The following MND1 variants were observed in gnomAD, a reference collection of about 807,000 sequenced individuals.
MND1 encodes the protein meiotic nuclear division protein 1 homolog.
In MND1, 28 loss-of-function variants were observed where a neutral mutation model predicts 35.1. That is an observed-to-expected ratio of 0.80 (90% CI 0.59 to 1.09). MND1 has a LOEUF of 1.09. MND1 is among the 50% of genes least tolerant of loss of function. The pLI, the probability that MND1 is intolerant of heterozygous loss-of-function variation, is 0.00. For synonymous variants in MND1, 69 were observed against 70.5 expected, an observed-to-expected ratio of 0.98 and a Z score of 0.11; for missense variants, 213 against 239.6, an observed-to-expected ratio of 0.89 and a Z score of 0.73.
intron 6 of MND1, among the ~76,000 whole-genome samples, chr4:153,398,427 G>C (rs1173191711): frequency 6.6e-6 from 1 of 152,188 alleles, no homozygotes; most frequent in Admixed American, 6.5e-5. Context: ...AGCTGGCCTA[G>C]TCCTTGGCAG....
intron 4 of MND1, chr4:153,363,101 T>G (rs762927277): frequency 9.7e-6 from 7 of 720,012 alleles, no homozygotes; most frequent in Non-Finnish European, 1.2e-5. Context: ...TAGCTCTCCT[T>G]GTCTCATGAC....
At chr4:153,387,193 G>A (rs1218079281) in intron 4 of MND1, among the ~76,000 whole-genome samples, 2 of 152,088 alleles carry the variant, frequency 1.3e-5, no homozygotes, top group Non-Finnish European at 2.9e-5. Context: ...GTCATAGATA[G>A]GCTGTCATTG....
rs562192544 is a variant in MND1, at chr4:153,386,582, G to A, written c.277-7680G>A. On this transcript the variant is annotated intron_variant, in intron 4 of 7. Transcript: ENST00000240488. Reference sequence around the variant, plus strand: ...AATACAAAAATTAGTCAGGCGTGGTGGCATACCCCTGTAATCCCAGCTACT... The same window carrying A: ...AATACAAAAATTAGTCAGGCGTGGTAGCATACCCCTGTAATCCCAGCTACT... Among the ~76,000 whole-genome samples the A allele has an allele frequency of 1.4e-4, 21 of 152,152 alleles. No homozygotes were observed. The South Asian group carries it at 4.2e-3, about 30-fold the overall frequency.
intron 7 of MND1, among the ~76,000 whole-genome samples, chr4:153,411,295 T>C (rs1450132137): frequency 6.6e-6 from 1 of 152,196 alleles, no homozygotes; most frequent in Non-Finnish European, 1.5e-5. Flanking sequence ...GCCCATCCTA[T>C]TCCTATAGGT....
rs1197376646 is a variant in MND1, at chr4:153,350,262, A to T, written c.69+133A>T. The T allele has an allele frequency of 1.3e-5, 8 of 628,942 alleles. No homozygotes were observed. The East Asian group carries it at 2.0e-4, about 16-fold the overall frequency. 39.0% of individuals were successfully genotyped at this position (628,942 alleles called of 1,614,324 possible). ...TCTTGAAGAATGGGTAAGATTCTGC[A>T]AATATTTGTGGTTCCTGTGAGTTAT... On this transcript the variant is annotated intron_variant, in intron 2 of 7. Coordinates refer to ENST00000240488, the MANE Select transcript of MND1 (RefSeq NM_032117.4).
chr4:153,346,769 CATTGCCTGCCTCTGGGGGGCAG>C (rs1171220343), intron 1 of MND1, among the ~76,000 whole-genome samples: 1 of 152,204 alleles, frequency 6.6e-6, no homozygotes, highest in Non-Finnish European at 1.5e-5. Flanking sequence ...AGATTCTCCT[CATTGCCTGCCTCTGGGGGGCAG>C]ATTCTTGTGG....
intron 1 of MND1, among the ~76,000 whole-genome samples, chr4:153,348,901 T>C (rs1014180930): frequency 2.6e-5 from 4 of 152,244 alleles, no homozygotes; most frequent in African/African-American, 4.8e-5. Flanking sequence ...TCTTCACTTA[T>C]GTAAACTCAC....
At chr4:153,363,437 C>T (rs906232718) in intron 4 of MND1, among the ~76,000 whole-genome samples, 2 of 152,054 alleles carry the variant, frequency 1.3e-5, no homozygotes, top group African/African-American at 4.8e-5. Flanking sequence ...GTCTCGAACT[C>T]CCGACCTCAG....
In MND1 at chr4:153,376,039, A is replaced by AT. The variant is rs145445324; in HGVS notation, c.276+17424dup. On this transcript the variant is annotated intron_variant, in intron 4 of 7. Transcript: ENST00000240488. ...GCTAGTTCTCCTGAAATATATGTAA[A>AT]TTTTTTTAGTATTTGGATGATAGTG... 6.7e-3 allele frequency among the ~76,000 whole-genome samples: 1,027 copies of AT among 152,242 alleles called. 4 individuals carry two copies. The highest frequency in any genetic ancestry group is 0.024 in the African/African-American group (986 of 41,546).
At position 153,415,022 on chromosome 4, in the gene MND1, A is replaced by T. The variant is rs11099880; in HGVS notation, c.*165A>T. On this transcript the variant is annotated 3_prime_UTR_variant, in exon 8 of 8. Coordinates refer to ENST00000240488, the MANE Select transcript of MND1 (RefSeq NM_032117.4). ...GATGTTCTTCACCCCTTTTGGTAGA[A>T]CAAAAGCAGGATGATAACCATATCC... is the stretch of plus-strand genomic sequence containing the variant. 0.24 allele frequency: 92,024 copies of T among 385,126 alleles called. 12,507 individuals carry two copies. Among genetic ancestry groups the T allele is most frequent in the African/African-American group, 0.42 (20,295 of 47,808 alleles). The allele number at this position is 385,126 out of a possible 1,614,324, so 23.9% of individuals were successfully genotyped here.
intron 2 of MND1, among the ~76,000 whole-genome samples, chr4:153,353,406 TATATATATATATATATATA>T (rs1561054725): frequency 6.0e-5 from 1 of 16,632 alleles, no homozygotes; most frequent in Non-Finnish European, 1.1e-4. Context: ...CTTTATCACA[TATATATATATATATATATA>T]TATATATATA....
chr4:153,360,975 G>T (rs367712533), intron 4 of MND1, among the ~76,000 whole-genome samples: 73 of 152,246 alleles, frequency 4.8e-4, no homozygotes, highest in African/African-American at 1.7e-3. Flanking sequence ...GAGTAGCTGG[G>T]ATTATAGGCA....
chr4:153,360,555 T>C (rs2149634471), intron 4 of MND1, among the ~76,000 whole-genome samples: 1 of 151,612 alleles, frequency 6.6e-6, no homozygotes, highest in East Asian at 1.9e-4. Context: ...AAAGTAACTG[T>C]ATTTTAGTAT....
rs369671768 is a variant in MND1 at position 153,344,752 on chromosome 4, G to A, written c.3+12G>A. The stretch of plus-strand genomic sequence containing the variant: ...GCGCCCGCGCCATGGTAAGGACTGA[G>A]GCTACGGTCCCGCGTCTTCTTCCTC... On this transcript the variant is annotated intron_variant, in intron 1 of 7. Coordinates refer to ENST00000240488, the MANE Select transcript of MND1 (RefSeq NM_032117.4). 6.2e-7 allele frequency: 1 copy of A among 1,601,386 alleles called. No homozygotes were observed. The highest frequency in any genetic ancestry group is 1.4e-5 in the African/African-American group (1 of 73,586).
intron 2 of MND1, 76 bp downstream of exon 2, chr4:153,350,205 C>A: frequency 9.7e-7 from 1 of 1,032,818 alleles, no homozygotes; most frequent in Non-Finnish European, 1.5e-6. Flanking sequence ...GTTAACTGTC[C>A]CCTCTTTGTT....
At chr4:153,361,336 T>G (rs1773485266) in intron 4 of MND1, among the ~76,000 whole-genome samples, 1 of 152,238 alleles carries the variant, frequency 6.6e-6, no homozygotes, top group Non-Finnish European at 1.5e-5. Flanking sequence ...CTTCATTGTC[T>G]TGTGGCATAT....
intron 4 of MND1, among the ~76,000 whole-genome samples, chr4:153,374,113 C>A (rs1728411832): frequency 6.6e-6 from 1 of 152,174 alleles, no homozygotes; most frequent in Non-Finnish European, 1.5e-5. Context: ...CTTACACCTA[C>A]TTCAAGGCGG....
chr4:153,373,853 C>T (rs553345706), intron 4 of MND1, among the ~76,000 whole-genome samples: 24 of 152,250 alleles, frequency 1.6e-4, no homozygotes, highest in South Asian at 6.2e-4. Flanking sequence ...AATGCCATTT[C>T]GCAGACCTAA....
intron 4 of MND1, among the ~76,000 whole-genome samples, chr4:153,381,082 G>A (rs1397345824): frequency 6.6e-6 from 1 of 152,018 alleles, no homozygotes; most frequent in Non-Finnish European, 1.5e-5. Context: ...TGTATTTTTA[G>A]TAGAGACAGG....
Sources: gnomAD v4.1 joint callset for allele counts (sites outside exome capture counted in the v4.1 genomes callset) on GRCh38, gnomAD v4.1.1 for gene constraint, MANE v1.5 for transcripts, NCBI Gene and HGNC (gene_info 2026-07-23, HGNC 2026-07-21) for gene names.